RPSA2: variants seen among roughly 807,000 people sequenced by gnomAD.
RPSA2 encodes the protein small ribosomal subunit protein uS2B.
chr19:23,841,608 T>G, the RPSA2 span, among the ~76,000 whole-genome samples: 18 of 151,632 alleles, frequency 1.2e-4, no homozygotes, highest in Non-Finnish European at 2.2e-4. Flanking sequence ...CTGACAGGAG[T>G]GGGTGGGTGA....
At chr19:23,855,548 C>T in the RPSA2 span, among the ~76,000 whole-genome samples, 1,035 of 152,184 alleles carry the variant, frequency 6.8e-3, 14 homozygotes, top group African/African-American at 0.023. Flanking sequence ...GCATAATAAG[C>T]GTTGGGTGGA....
At chr19:23,760,817 A>G in the RPSA2 span, among the ~76,000 whole-genome samples, 1 of 151,122 alleles carries the variant, frequency 6.6e-6, no homozygotes, top group Admixed American at 6.6e-5. Flanking sequence ...GATGCGTGCC[A>G]CCACACTGGG....
At chr19:23,869,013 C>A in the RPSA2 span, among the ~76,000 whole-genome samples, 3 of 152,176 alleles carry the variant, frequency 2.0e-5, no homozygotes, top group Non-Finnish European at 4.4e-5. Flanking sequence ...ACCCCTGATT[C>A]CATGTTCTTG....
At chr19:23,857,258 G>C in the RPSA2 span, among the ~76,000 whole-genome samples, 4 of 152,134 alleles carry the variant, frequency 2.6e-5, no homozygotes. Context: ...AGGGTCCTGA[G>C]GTGACGTACA....
the RPSA2 span, among the ~76,000 whole-genome samples, chr19:23,815,439 T>TATTAGAAGAACCTGGCTC: frequency 6.6e-6 from 1 of 152,150 alleles, no homozygotes; most frequent in Admixed American, 6.5e-5. Context: ...TAAGCAGGTT[T>TATTAGAAGAACCTGGCTC]ATTAGAAGAA....
At chr19:23,831,687 G>T in the RPSA2 span, 1 of 237,088 alleles carries the variant, frequency 4.2e-6, no homozygotes. Flanking sequence ...CATGAAAAAT[G>T]TGGACATGAT....
At chr19:23,857,501 TTTTTTTG>T in the RPSA2 span, among the ~76,000 whole-genome samples, 6 of 120,144 alleles carry the variant, frequency 5.0e-5, no homozygotes, top group South Asian at 2.9e-4. Context: ...TTTTTTTTTT[TTTTTTTG>T]AGATGGAGTT....
the RPSA2 span, among the ~76,000 whole-genome samples, chr19:23,811,512 A>C: frequency 4.7e-5 from 1 of 21,378 alleles, no homozygotes; most frequent in African/African-American, 1.1e-4. Flanking sequence ...AGCAAATAGG[A>C]TGCCTTTTTT....
chr19:23,795,528 C>A, the RPSA2 span, among the ~76,000 whole-genome samples: 1 of 152,050 alleles, frequency 6.6e-6, no homozygotes, highest in African/African-American at 2.4e-5. Context: ...TATTTTGTAT[C>A]CTTAATGATA....
chr19:23,798,791 A>G, the RPSA2 span: 1 of 152,198 alleles, frequency 6.6e-6, no homozygotes, highest in African/African-American at 2.4e-5. Context: ...CATTTCACAA[A>G]TTGGAATGCT....
chr19:23,856,377 C>A, the RPSA2 span, among the ~76,000 whole-genome samples: 1 of 151,968 alleles, frequency 6.6e-6, no homozygotes, highest in Non-Finnish European at 1.5e-5. Context: ...ATAGGGTGAC[C>A]ATATTTTCCA....
chr19:23,853,557 G>A, the RPSA2 span, among the ~76,000 whole-genome samples: 1 of 152,326 alleles, frequency 6.6e-6, no homozygotes, highest in East Asian at 1.9e-4. Context: ...CATTAAAAGG[G>A]ATAACGTAAA....
the RPSA2 span, among the ~76,000 whole-genome samples, chr19:23,859,902 G>T: frequency 6.6e-6 from 1 of 152,110 alleles, no homozygotes; most frequent in Admixed American, 6.6e-5. Flanking sequence ...TTGTCTAATT[G>T]AATTTGATTT....
the RPSA2 span, chr19:23,827,790 T>C: frequency 3.7e-5 from 59 of 1,588,598 alleles, no homozygotes; most frequent in East Asian, 8.0e-4. Context: ...CCTGAAGAGA[T>C]TGAAAAAGAA....
the RPSA2 span, among the ~76,000 whole-genome samples, chr19:23,842,121 C>G: frequency 6.6e-6 from 1 of 152,146 alleles, no homozygotes; most frequent in East Asian, 1.9e-4. Flanking sequence ...AGGTCTCATC[C>G]CACATCCCTT....
the RPSA2 span, among the ~76,000 whole-genome samples, chr19:23,821,238 G>A: frequency 6.6e-5 from 10 of 152,218 alleles, no homozygotes; most frequent in African/African-American, 2.4e-4. Context: ...TGCCAGTAGG[G>A]CTGTGGCAGC....
At chr19:23,870,217 G>A in the RPSA2 span, among the ~76,000 whole-genome samples, 118 of 152,154 alleles carry the variant, frequency 7.8e-4, no homozygotes, top group Non-Finnish European at 1.5e-3. Context: ...GTCCTCTGTA[G>A]CTTTGCATAG....
chr19:23,787,626 CAAAA>C, the RPSA2 span, among the ~76,000 whole-genome samples: 1 of 151,578 alleles, frequency 6.6e-6, no homozygotes. Context: ...AAAAACAAAA[CAAAA>C]AAAAGAATGA....
chr19:23,826,022 ATTTC>A, the RPSA2 span, among the ~76,000 whole-genome samples: 1 of 62,914 alleles, frequency 1.6e-5, no homozygotes, highest in Non-Finnish European at 3.1e-5. Flanking sequence ...ATTATTGTTT[ATTTC>A]TTGTCAAAAA....
Sources: allele counts gnomAD v4.1 joint callset (sites outside exome capture counted in the v4.1 genomes callset), GRCh38; gene constraint gnomAD v4.1.1; transcripts MANE v1.5; gene names NCBI Gene and HGNC (gene_info 2026-07-23, HGNC 2026-07-21).